Variants in SORL1 observed in about 807,000 individuals in gnomAD.
The protein encoded by SORL1 is sortilin related receptor 1, also known as sortilin-related receptor.
Under a neutral mutation model 273.7 loss-of-function variants are expected in SORL1, and 127 were observed. The observed-to-expected ratio is 0.46, with a 90% CI of 0.40 to 0.54. The LOEUF is 0.54. Among genes scored for constraint, SORL1 ranks in the 20% least tolerant of loss-of-function variants. The pLI is 0.00. For synonymous variants in SORL1, 1,031 were observed against 1,067.4 expected, an observed-to-expected ratio of 0.97 and a Z score of 0.66; for missense variants, 2,494 against 2,846.1, an observed-to-expected ratio of 0.88 and a Z score of 2.81.
Position 121,574,330 on chromosome 11 carries a change from G to T in SORL1, c.3427G>T (p.Asp1143Tyr). 3 of 1,613,602 alleles carry T rather than the reference G, an allele frequency of 1.9e-6. No homozygotes were observed. The highest frequency in any genetic ancestry group is 1.1e-5 in the South Asian group (1 of 91,026). ...PLSYKCDLED[D>Y]CGDNSDESHC... ...GTCCTATAAATGTGACCTTGAGGAT[G>T]ACTGTGGAGACAACAGTGATGAAAG... Residue 1143 changes from aspartate (D) to tyrosine (Y), a missense_variant, in exon 24 of 48, where the codon GAC becomes TAC. Coordinates refer to ENST00000260197, the MANE Select transcript of SORL1 (RefSeq NM_003105.6).
intron 2 of SORL1, among the ~76,000 whole-genome samples, chr11:121,471,294 A>G (rs1861163179): frequency 6.6e-6 from 1 of 152,190 alleles, no homozygotes; most frequent in African/African-American, 2.4e-5. Context: ...CTGGTTTTCC[A>G]GAGGAACCCA....
intron 14 of SORL1, among the ~76,000 whole-genome samples, chr11:121,545,873 C>T (rs754703947): frequency 6.6e-6 from 1 of 152,148 alleles, no homozygotes; most frequent in Non-Finnish European, 1.5e-5. Flanking sequence ...ATCCAAGGCA[C>T]TGCTGCGAAT....
chr11:121,590,220 C>T (rs778169626), intron 30 of SORL1, 46 bp downstream of exon 30: 1 of 1,581,856 alleles, frequency 6.3e-7, no homozygotes, highest in South Asian at 1.1e-5. Flanking sequence ...CCAAGACACA[C>T]CAGAATAGTT....
rs759833762 is a variant in SORL1, at chr11:121,621,168, T to C, written c.5994T>C (p.Pro1998=). 6.2e-7 allele frequency: 1 copy of C among 1,614,222 alleles called. No individual in the cohort carries two copies. Among genetic ancestry groups the C allele is most frequent in the South Asian group, 1.1e-5 (1 of 91,092 alleles). The change falls in exon 44 of 48, where the codon CCT becomes CCC. Residue 1998 remains proline, a synonymous_variant. Transcript: ENST00000260197. ...AATACACCCTTAACAAGTTGGAGCC[T>C]GGCGGGAAATACCACATCATTGTCC... ...TVEYTLNKLE[P]GGKYHIIVQL...
At chr11:121,499,829 G>T (rs911166893) in intron 6 of SORL1, among the ~76,000 whole-genome samples, 4 of 152,164 alleles carry the variant, frequency 2.6e-5, no homozygotes, top group African/African-American at 9.7e-5. Flanking sequence ...ATCAAATTGG[G>T]AAAATCAAAG....
intron 45 of SORL1, 107 bp from the exon 46 acceptor site, chr11:121,624,978 G>A (rs180816739): frequency 9.7e-5 from 75 of 771,494 alleles, no homozygotes; most frequent in South Asian, 5.8e-4. Context: ...GCGCTTTCGC[G>A]TCTGTAGCAG....
intron 45 of SORL1, among the ~76,000 whole-genome samples, chr11:121,624,544 G>T (rs1056031167): frequency 6.6e-6 from 1 of 152,198 alleles, no homozygotes; most frequent in African/African-American, 2.4e-5. Context: ...GTTGTTGGGG[G>T]GCTGAGATCG....
intron 11 of SORL1, among the ~76,000 whole-genome samples, chr11:121,529,641 C>A (rs1003408422): frequency 1.3e-5 from 2 of 151,960 alleles, no homozygotes; most frequent in African/African-American, 4.8e-5. Context: ...TCTTAAACTC[C>A]TGGGTTCAAG....
At chr11:121,517,507 A>G (rs985959243) in intron 8 of SORL1, among the ~76,000 whole-genome samples, 1 of 152,074 alleles carries the variant, frequency 6.6e-6, no homozygotes, top group Non-Finnish European at 1.5e-5. Context: ...CTGACTCTTT[A>G]ATTTTTCTTT....
At chr11:121,470,808 G>A (rs1404687615) in intron 2 of SORL1, among the ~76,000 whole-genome samples, 1 of 152,160 alleles carries the variant, frequency 6.6e-6, no homozygotes, top group East Asian at 1.9e-4. Flanking sequence ...CTCCAGAGTA[G>A]CAGGAACTAC....
intron 41 of SORL1, among the ~76,000 whole-genome samples, chr11:121,616,311 G>C (rs1025591110): frequency 6.6e-6 from 1 of 152,206 alleles, no homozygotes; most frequent in African/African-American, 2.4e-5. Flanking sequence ...TTTCAGAGGT[G>C]AGAGCGCAAA....
At position 121,550,032 on chromosome 11, in the gene SORL1, GTCATAC is replaced by G; in HGVS notation, c.2127_2132del (p.Tyr710_Ser711del). 1 of 1,613,876 alleles carries G rather than the reference GTCATAC, an allele frequency of 6.2e-7. No homozygotes were observed. Among genetic ancestry groups the G allele is most frequent in the East Asian group, 2.2e-5 (1 of 44,880 alleles). On this transcript the variant is annotated inframe_deletion, in exon 15 of 48. Coordinates refer to ENST00000260197, the MANE Select transcript of SORL1 (RefSeq NM_003105.6). This position sits in a 1 kb window ranked among gnomAD's most constrained non-coding sequence, Gnocchi z 5.3. ...TTCCAGATCCGGAATTTTCTGGAAA[GTCATAC>G]TCCCCTCCTGTGCCTTGCCCTGTGG...
At chr11:121,578,215 A>T (rs1448351912) in intron 25 of SORL1, among the ~76,000 whole-genome samples, 1 of 152,206 alleles carries the variant, frequency 6.6e-6, no homozygotes, top group East Asian at 1.9e-4. Flanking sequence ...TGGACTAGGG[A>T]GATAAAGATG....
At chr11:121,526,639 A>G (rs768032022) in intron 11 of SORL1, among the ~76,000 whole-genome samples, 6 of 152,116 alleles carry the variant, frequency 3.9e-5, no homozygotes, top group African/African-American at 7.2e-5. Context: ...AGTACTTTGT[A>G]GTTTCCAATG....
At position 121,563,643 on chromosome 11, in the gene SORL1, G is replaced by A. The variant is rs893030846; in HGVS notation, c.3050-3297G>A. ...ACTCCTGAGCTCAGGCAATCTGCAC[G>A]CCCCGGCCTCCCAAAGTGCTAGGAT... On this transcript the variant is annotated intron_variant, in intron 21 of 47. Transcript: ENST00000260197. The surrounding 1 kb of genome is among the most constrained non-coding windows in gnomAD (Gnocchi z 4.2). Among the ~76,000 whole-genome samples, 2 of 152,148 alleles carry A rather than the reference G, an allele frequency of 1.3e-5. No individual in the cohort carries two copies. Among genetic ancestry groups the A allele is most frequent in the African/African-American group, 2.4e-5 (1 of 41,434 alleles).
At chr11:121,459,896 T>C (rs1407260053) in intron 1 of SORL1, among the ~76,000 whole-genome samples, 2 of 152,222 alleles carry the variant, frequency 1.3e-5, no homozygotes, top group Non-Finnish European at 2.9e-5. Context: ...CCCCACTTCT[T>C]GGCTGACCTT....
Position 121,478,249 on chromosome 11 carries a change from G to T in SORL1, c.528+6G>T. 6.2e-7 allele frequency: 1 copy of T among 1,613,722 alleles called. No individual in the cohort carries two copies. Among genetic ancestry groups the T allele is most frequent in the Non-Finnish European group, 8.5e-7 (1 of 1,179,932 alleles). Reference sequence around the variant, plus strand: ...GCCCTGCGGACAACAAGCGGGTAAGGAAGTGGCCATCCCTCCTGTCCCGAC... The same window carrying T: ...GCCCTGCGGACAACAAGCGGGTAAGTAAGTGGCCATCCCTCCTGTCCCGAC... On this transcript the variant is annotated splice_donor_region_variant and intron_variant, in intron 3 of 47. Coordinates refer to ENST00000260197, the MANE Select transcript of SORL1 (RefSeq NM_003105.6).
chr11:121,557,206 G>A, intron 18 of SORL1, 108 bp from the exon 19 acceptor site: 3 of 813,086 alleles, frequency 3.7e-6, no homozygotes, highest in East Asian at 2.4e-5. Flanking sequence ...AAATAGGCAG[G>A]CATGGAGGGG....
intron 6 of SORL1, among the ~76,000 whole-genome samples, chr11:121,508,236 A>G (rs1430565405): frequency 2.0e-5 from 3 of 152,212 alleles, no homozygotes; most frequent in Non-Finnish European, 4.4e-5. Flanking sequence ...AGCTGGAGGT[A>G]AGAGACTAGA....
Sources: allele counts gnomAD v4.1 joint callset (sites outside exome capture counted in the v4.1 genomes callset), GRCh38; gene constraint gnomAD v4.1.1; non-coding constraint Gnocchi (gnomAD v3.1); transcripts MANE v1.5; gene names NCBI Gene and HGNC (gene_info 2026-07-23, HGNC 2026-07-21).